Variants in DIP2C observed in about 807,000 individuals in gnomAD.
The protein encoded by DIP2C is DIP2 acetate--CoA ligase C (putative).
In DIP2C, 33 loss-of-function variants were observed where a neutral mutation model predicts 192.4. The observed-to-expected ratio is 0.17, with a 90% CI of 0.13 to 0.23. DIP2C has a LOEUF of 0.23. Ranked by LOEUF, DIP2C falls within the 10% of genes least tolerant of loss-of-function variation. The pLI is 1.00. For missense variants in DIP2C, 1,537 were observed against 2,110.1 expected (o/e 0.73, Z 5.32); for synonymous variants, 979 against 864.1 (o/e 1.13, Z -2.33).
At chr10:519,895 C>A (rs922937916) in intron 1 of DIP2C, among the ~76,000 whole-genome samples, 15 of 128,014 alleles carry the variant, frequency 1.2e-4, no homozygotes, top group Non-Finnish European at 1.9e-4. Flanking sequence ...AGGCTGCACA[C>A]CCACAGCCAC....
chr10:311,944 A>G (rs930841282), intron 31 of DIP2C, among the ~76,000 whole-genome samples: 8 of 151,948 alleles, frequency 5.3e-5, no homozygotes, highest in African/African-American at 1.9e-4. Flanking sequence ...CGGGAGTGCA[A>G]GTTTCATTTG....
At chr10:594,220 A>C (rs1409690107) in intron 1 of DIP2C, among the ~76,000 whole-genome samples, 1 of 152,186 alleles carries the variant, frequency 6.6e-6, no homozygotes, top group African/African-American at 2.4e-5. Flanking sequence ...GCTCCATGTA[A>C]ATAGCACTCC....
At chr10:449,318 A>G (rs1183062731) in intron 3 of DIP2C, among the ~76,000 whole-genome samples, 1 of 152,182 alleles carries the variant, frequency 6.6e-6, no homozygotes, top group African/African-American at 2.4e-5. Context: ...CAAAGGCAAG[A>G]TGTTATTTAG....
chr10:493,332 T>C (rs1287355835), intron 1 of DIP2C, among the ~76,000 whole-genome samples: 4 of 152,230 alleles, frequency 2.6e-5, no homozygotes, highest in Non-Finnish European at 4.4e-5. Flanking sequence ...GAGAAGACTA[T>C]GCCGTATTAA....
At chr10:593,733 C>G (rs1328431347) in intron 1 of DIP2C, among the ~76,000 whole-genome samples, 2 of 152,142 alleles carry the variant, frequency 1.3e-5, no homozygotes, top group East Asian at 3.9e-4. Flanking sequence ...GAAATAAAAC[C>G]GACATGCACT....
chr10:495,812 A>C (rs1430009172), intron 1 of DIP2C, among the ~76,000 whole-genome samples: 1 of 151,326 alleles, frequency 6.6e-6, no homozygotes, highest in Non-Finnish European at 1.5e-5. Context: ...TTAAATCTCT[A>C]CATTACTCTC....
In DIP2C at chr10:602,621, G is replaced by C. The variant is rs376154839; in HGVS notation, c.85+86873C>G. On this transcript the variant is annotated intron_variant, in intron 1 of 36. Transcript: ENST00000280886. The stretch of plus-strand genomic sequence containing the variant: ...CCAGATCTGCAGGCACCTTGACCTC[G>C]GACTTCCCAGCCTCCAGAGCTGTGA... 1.1e-3 allele frequency among the ~76,000 whole-genome samples: 167 copies of C among 152,240 alleles called. 1 individual carries two copies. The Middle Eastern group carries it at 0.027, about 25-fold the overall frequency.
chr10:498,842 G>A (rs192527654), intron 1 of DIP2C, among the ~76,000 whole-genome samples: 109 of 152,278 alleles, frequency 7.2e-4, no homozygotes, highest in African/African-American at 2.4e-3. Context: ...AGGAGGCAAT[G>A]CGCATTTGTT....
Position 390,247 on chromosome 10 carries a change from G to A in DIP2C, c.1494+17C>T. The A allele has an allele frequency of 1.9e-6, 3 of 1,612,336 alleles. No homozygotes were observed. Among genetic ancestry groups the A allele is most frequent in the South Asian group, 2.2e-5 (2 of 91,036 alleles). ...GGCCACACTCAGGGCCAGTGGAGGAGGCCAAGGCTGACTCACCTCAATATA... is the reference window on the plus strand; with the variant it reads ...GGCCACACTCAGGGCCAGTGGAGGAAGCCAAGGCTGACTCACCTCAATATA... On this transcript the variant is annotated intron_variant, in intron 12 of 36. Coordinates refer to ENST00000280886, the MANE Select transcript of DIP2C (RefSeq NM_014974.3).
intron 10 of DIP2C, among the ~76,000 whole-genome samples, chr10:392,722 GCCCAGGTACACACGCGCACA>G (rs776156017): frequency 7.0e-4 from 96 of 136,232 alleles, no homozygotes; most frequent in Middle Eastern, 3.7e-3. Flanking sequence ...GTACACACGC[GCCCAGGTACACACGCGCACA>G]CACTCACATA....
At chr10:649,333 G>C (rs1347706069) in intron 1 of DIP2C, among the ~76,000 whole-genome samples, 3 of 152,046 alleles carry the variant, frequency 2.0e-5, no homozygotes, top group Admixed American at 6.5e-5. Flanking sequence ...ACATTGGATG[G>C]TGGGAGAGAA....
chr10:362,542 C>T lies in DIP2C; in HGVS notation c.2742G>A (p.Met914Ile), dbSNP rs151215891. The change falls in exon 22 of 37, where the codon ATG (methionine) becomes ATA (isoleucine). Residue 914 changes from methionine to isoleucine, a missense_variant. This residue lies in a region of DIP2C where 677 missense variants were observed against 989.9 expected (regional missense o/e 0.68). Transcript: ENST00000280886. ...EGSLHPCNVL[M>I]CPHTCVTNLP... ...AGTTTGTGACGCAGGTGTGGGGGCA[C>T]ATTAGGACATTGCAGGGGTGCAGAG... 3.1e-6 allele frequency: 5 copies of T among 1,613,924 alleles called. No homozygotes were observed. In the Admixed American group the frequency reaches 5.0e-5, roughly 16 times the overall value.
intron 1 of DIP2C, among the ~76,000 whole-genome samples, chr10:644,851 C>A (rs999082696): frequency 5.3e-5 from 8 of 152,244 alleles, no homozygotes; most frequent in Non-Finnish European, 1.0e-4. Context: ...CTCAGACATA[C>A]AATTTAGCAC....
chr10:441,549 C>T (rs367627768), intron 3 of DIP2C, among the ~76,000 whole-genome samples: 2 of 152,052 alleles, frequency 1.3e-5, no homozygotes, highest in African/African-American at 2.4e-5. Flanking sequence ...CCATCTTTCC[C>T]GTGCTATTAT....
At chr10:558,285 C>T (rs1849016403) in intron 1 of DIP2C, among the ~76,000 whole-genome samples, 1 of 152,196 alleles carries the variant, frequency 6.6e-6, no homozygotes, top group South Asian at 2.1e-4. Context: ...CCTGAGGCCA[C>T]ACAGCTGTCT....
At chr10:542,783 G>T (rs928677543) in intron 1 of DIP2C, among the ~76,000 whole-genome samples, 17 of 150,354 alleles carry the variant, frequency 1.1e-4, no homozygotes, top group African/African-American at 3.4e-4. Flanking sequence ...CTATACCACA[G>T]GTCACCAGAT....
intron 6 of DIP2C, among the ~76,000 whole-genome samples, chr10:418,749 G>A (rs1306652405): frequency 6.6e-6 from 1 of 152,228 alleles, no homozygotes; most frequent in African/African-American, 2.4e-5. Flanking sequence ...ACCTGTACAA[G>A]AATTTCTCAG....
intron 17 of DIP2C, among the ~76,000 whole-genome samples, chr10:380,158 C>T (rs1456206252): frequency 1.5e-5 from 2 of 136,298 alleles, no homozygotes; most frequent in African/African-American, 2.5e-5. Context: ...TGATGGTTAA[C>T]GCACAGAAGA....
chr10:317,618 G>A (rs915505655), intron 31 of DIP2C, among the ~76,000 whole-genome samples: 1 of 152,218 alleles, frequency 6.6e-6, no homozygotes, highest in Admixed American at 6.5e-5. Flanking sequence ...TTCTGTGACT[G>A]CGATAGAGAA....
Sources: allele counts gnomAD v4.1 joint callset (sites outside exome capture counted in the v4.1 genomes callset), GRCh38; gene constraint gnomAD v4.1.1; regional missense constraint gnomAD v4.1.1; transcripts MANE v1.5; gene names NCBI Gene and HGNC (gene_info 2026-07-23, HGNC 2026-07-21).